NTRK2: variants seen among roughly 807,000 people sequenced by gnomAD.
NTRK2 encodes the protein BDNF/NT-3 growth factors receptor.
NTRK2 carries 13 observed loss-of-function variants against 94.5 expected under a neutral mutation model. That is an observed-to-expected ratio of 0.14 (90% CI 0.09 to 0.22). The LOEUF (loss-of-function observed/expected upper bound fraction) is 0.22, where lower values mean the gene tolerates loss of function less well. Among genes scored for constraint, NTRK2 ranks in the 10% least tolerant of loss-of-function variants. The pLI, the probability that NTRK2 is intolerant of heterozygous loss-of-function variation, is 1.00. For missense variants in NTRK2, 639 were observed against 1,071.2 expected, an observed-to-expected ratio of 0.60 and a Z score of 5.63; for synonymous variants, 372 against 407.4, an observed-to-expected ratio of 0.91 and a Z score of 1.05.
At chr9:84,976,177 T>A (rs1826833600) in intron 17 of NTRK2, among the ~76,000 whole-genome samples, 1 of 152,162 alleles carries the variant, frequency 6.6e-6, no homozygotes, top group African/African-American at 2.4e-5. Flanking sequence ...GAAATTTATT[T>A]TCTCACACCC....
chr9:84,701,374 A>C (rs554202460), intron 2 of NTRK2, among the ~76,000 whole-genome samples: 1 of 152,304 alleles, frequency 6.6e-6, no homozygotes, highest in Admixed American at 6.5e-5. Flanking sequence ...TCCCAGAGTA[A>C]GACAGAGACT....
At chr9:84,933,436 C>T (rs868280929) in intron 14 of NTRK2, among the ~76,000 whole-genome samples, 6 of 152,166 alleles carry the variant, frequency 3.9e-5, no homozygotes, top group African/African-American at 9.7e-5. Context: ...TGACTTGAGC[C>T]GTCGCTGCTC....
intron 18 of NTRK2, among the ~76,000 whole-genome samples, 164 bp downstream of exon 18, chr9:85,020,528 G>A (rs1201027766): frequency 6.6e-6 from 1 of 152,148 alleles, no homozygotes. Context: ...TAAATTTCAT[G>A]GTCAAAGTAT....
At chr9:84,848,291 A>G (rs1337641771) in intron 12 of NTRK2, among the ~76,000 whole-genome samples, 1 of 152,208 alleles carries the variant, frequency 6.6e-6, no homozygotes, top group Non-Finnish European at 1.5e-5. Context: ...CCCAATACAA[A>G]CAAAAATGAT....
intron 12 of NTRK2, among the ~76,000 whole-genome samples, chr9:84,839,460 AC>A (rs1211758096): frequency 1.3e-5 from 2 of 152,138 alleles, no homozygotes; most frequent in African/African-American, 2.4e-5. Context: ...AAACTCTTGG[AC>A]CCGTCCTCCC....
chr9:84,942,752 C>G (rs1252277627), intron 15 of NTRK2, among the ~76,000 whole-genome samples: 1 of 151,598 alleles, frequency 6.6e-6, no homozygotes, highest in Non-Finnish European at 1.5e-5. Flanking sequence ...TTATTTATAG[C>G]AAGGTCTCAA....
Position 84,678,676 on chromosome 9 carries a change from C to T in NTRK2, c.212+7716C>T, listed in dbSNP as rs954262821. On this transcript the variant is annotated intron_variant, in intron 2 of 18. Transcript: ENST00000277120. Reference sequence around the variant, plus strand: ...GCTTGACATCATAGCCCCTAGATTCCCTGGTAAGGTGTGACAAAAAAACAC... The same window carrying T: ...GCTTGACATCATAGCCCCTAGATTCTCTGGTAAGGTGTGACAAAAAAACAC... 6.6e-5 allele frequency among the ~76,000 whole-genome samples: 10 copies of T among 152,052 alleles called. 1 individual carries two copies.
At chr9:84,799,055 C>G (rs982675875) in intron 12 of NTRK2, among the ~76,000 whole-genome samples, 1 of 151,754 alleles carries the variant, frequency 6.6e-6, no homozygotes, top group Non-Finnish European at 1.5e-5. Flanking sequence ...GGTATTCCAC[C>G]TTCAGGGCCC....
rs564299916 is a variant in NTRK2, at chr9:84,851,354, A to G, written c.1397-9686A>G. On this transcript the variant is annotated intron_variant, in intron 12 of 18. Transcript: ENST00000277120. Reference sequence around the variant, plus strand: ...TAGTTTCCTTCCACTGACAGTGTGCATGATGGCCCATAGTTAATTCGTTTG... The same window carrying G: ...TAGTTTCCTTCCACTGACAGTGTGCGTGATGGCCCATAGTTAATTCGTTTG... 2.7e-3 allele frequency among the ~76,000 whole-genome samples: 411 copies of G among 152,320 alleles called. 13 individuals are homozygous for G. Among genetic ancestry groups the G allele is most frequent in the Non-Finnish European group, 3.1e-3 (209 of 68,036 alleles).
intron 2 of NTRK2, among the ~76,000 whole-genome samples, chr9:84,695,575 G>T (rs1256085826): frequency 6.6e-6 from 1 of 152,164 alleles, no homozygotes; most frequent in East Asian, 1.9e-4. Flanking sequence ...TAAAGGTCCT[G>T]AATGTCAAAT....
At chr9:84,989,490 T>A (rs1828777731) in intron 17 of NTRK2, among the ~76,000 whole-genome samples, 1 of 152,246 alleles carries the variant, frequency 6.6e-6, no homozygotes, top group South Asian at 2.1e-4. Flanking sequence ...TTTCTTGACA[T>A]TGCCCCAGTA....
chr9:84,881,834 T>A (rs2076262910), intron 14 of NTRK2, among the ~76,000 whole-genome samples: 1 of 152,218 alleles, frequency 6.6e-6, no homozygotes. Context: ...TTTTGAGAAT[T>A]CTCCTGTCTG....
At chr9:84,723,805 T>C in intron 7 of NTRK2, 96 bp downstream of exon 7, 2 of 1,498,422 alleles carry the variant, frequency 1.3e-6, no homozygotes, top group Non-Finnish European at 1.9e-6. Flanking sequence ...TGATATTTTA[T>C]AAGGCTACAT....
intron 17 of NTRK2, among the ~76,000 whole-genome samples, chr9:84,962,641 G>A (rs945969399): frequency 1.4e-4 from 22 of 152,166 alleles, no homozygotes; most frequent in Admixed American, 6.5e-4. Context: ...CTTGGATGGG[G>A]CAGAAGGACT....
chr9:84,687,861 A>C (rs2059810946), intron 2 of NTRK2, among the ~76,000 whole-genome samples: 1 of 152,042 alleles, frequency 6.6e-6, no homozygotes, highest in Non-Finnish European at 1.5e-5. Context: ...TTTCAAGGGC[A>C]CAAACAGAGC....
At chr9:84,780,441 A>G (rs1027844027) in intron 12 of NTRK2, among the ~76,000 whole-genome samples, 1 of 151,688 alleles carries the variant, frequency 6.6e-6, no homozygotes, top group East Asian at 1.9e-4. Context: ...ATAACCATCC[A>G]CCTCCCGGAC....
At chr9:84,671,405 TG>T (rs1347041900) in intron 2 of NTRK2, among the ~76,000 whole-genome samples, 18 of 152,310 alleles carry the variant, frequency 1.2e-4, no homozygotes, top group African/African-American at 4.1e-4. Context: ...TTGAGGGAAG[TG>T]ACAGTCTCTC....
chr9:84,679,445 G>C (rs1476182665), intron 2 of NTRK2, among the ~76,000 whole-genome samples: 1 of 152,152 alleles, frequency 6.6e-6, no homozygotes, highest in African/African-American at 2.4e-5. Flanking sequence ...ACTGAACCTG[G>C]CTTGGTAAGG....
chr9:84,846,885 C>G (rs150766347), intron 12 of NTRK2, among the ~76,000 whole-genome samples: 5 of 152,298 alleles, frequency 3.3e-5, no homozygotes, highest in African/African-American at 1.2e-4. Context: ...TGCAAATGCT[C>G]ATTTCTTCAT....
Sources: gnomAD v4.1 joint callset for allele counts (sites outside exome capture counted in the v4.1 genomes callset) on GRCh38, gnomAD v4.1.1 for gene constraint, MANE v1.5 for transcripts, NCBI Gene and HGNC (gene_info 2026-07-23, HGNC 2026-07-21) for gene names.